The following WDR59 variants were observed in gnomAD, a reference collection of about 807,000 sequenced individuals.
WDR59 encodes WD repeat domain 59.
In WDR59, 100 loss-of-function variants were observed where a neutral mutation model predicts 131.2. That is an observed-to-expected ratio of 0.76 (90% confidence interval 0.65 to 0.90). The LOEUF (loss-of-function observed/expected upper bound fraction) is 0.90, where lower values mean the gene tolerates loss of function less well. Among genes scored for constraint, WDR59 ranks in the 40% least tolerant of loss-of-function variants. WDR59 has a pLI of 0.00. For synonymous variants in WDR59, 601 were observed against 466.2 expected (o/e 1.29, Z -3.72); for missense variants, 1,203 against 1,262.2 (o/e 0.95, Z 0.71).
intron 6 of WDR59, among the ~76,000 whole-genome samples, chr16:74,946,033 C>T (rs908364670): frequency 2.6e-5 from 4 of 151,914 alleles, no homozygotes; most frequent in South Asian, 2.1e-4. Context: ...AGGCTGGTCT[C>T]GAACTCCTGA....
intron 10 of WDR59, 98 bp downstream of exon 10, chr16:74,921,845 GCTCT>G (rs1567722522): frequency 2.8e-6 from 4 of 1,419,380 alleles, no homozygotes; most frequent in Admixed American, 2.6e-5. Flanking sequence ...CTAAAGCCCA[GCTCT>G]CTCTATGTCT....
chr16:74,910,784 T>G (rs1163277453), intron 14 of WDR59, among the ~76,000 whole-genome samples: 2 of 152,218 alleles, frequency 1.3e-5, no homozygotes, highest in African/African-American at 2.4e-5. Flanking sequence ...ATTTTTCCTT[T>G]GTTTTTTTGA....
chr16:74,940,536 T>C (rs533159640), intron 7 of WDR59, among the ~76,000 whole-genome samples: 50 of 152,276 alleles, frequency 3.3e-4, no homozygotes, highest in African/African-American at 1.0e-3. Flanking sequence ...CATACATGAG[T>C]CTGGATTAAA....
At position 74,913,986 on chromosome 16, in the gene WDR59, C is replaced by A. The variant is rs373519710; in HGVS notation, c.1225-1624G>T. 3.3e-5 allele frequency among the ~76,000 whole-genome samples: 5 copies of A among 152,274 alleles called. 1 individual carries two copies. Among genetic ancestry groups the A allele is most frequent in the East Asian group, 3.9e-4 (2 of 5,162 alleles). On this transcript the variant is annotated intron_variant, in intron 13 of 25. Transcript: ENST00000262144. ...CTTTGGGAGGCCAAGGTGGGCAGAT[C>A]AACTGACATCAGGAGTTCGAGGCCA...
At chr16:74,971,010 C>G (rs2033960732) in intron 1 of WDR59, among the ~76,000 whole-genome samples, 1 of 151,896 alleles carries the variant, frequency 6.6e-6, no homozygotes, top group Admixed American at 6.6e-5. Context: ...GTTCACACCA[C>G]TACACTCCTG....
rs557938350 is a variant in WDR59, at chr16:74,971,545, G to A, written c.55-5723C>T. ...CCTCCTGAGTTCAAGCAATTCTCCC[G>A]CCTCAGCCTCCTGAGTAGCTGGGAT... On this transcript the variant is annotated intron_variant, in intron 1 of 25. Coordinates refer to ENST00000262144, the MANE Select transcript of WDR59 (RefSeq NM_030581.4). Among the ~76,000 whole-genome samples, 305 of 143,182 alleles carry A rather than the reference G, an allele frequency of 2.1e-3. 1 individual carries two copies. Among genetic ancestry groups the A allele is most frequent in the African/African-American group, 7.1e-3 (274 of 38,452 alleles). The allele number at this position is 143,182 out of a possible 152,430, so 93.9% of individuals were successfully genotyped here.
At chr16:74,923,781 C>T in intron 9 of WDR59, 145 bp downstream of exon 9, 1 of 735,068 alleles carries the variant, frequency 1.4e-6, no homozygotes, top group Non-Finnish European at 2.2e-6. Flanking sequence ...TTTAAGCTAT[C>T]ATTATCACGT....
chr16:74,949,461 AGAGG>A (rs1256382389), intron 5 of WDR59, among the ~76,000 whole-genome samples: 4 of 132,502 alleles, frequency 3.0e-5, no homozygotes, highest in African/African-American at 9.0e-5. Flanking sequence ...AGGGAAGGAG[AGAGG>A]GAGGGAGGGA....
intron 3 of WDR59, among the ~76,000 whole-genome samples, chr16:74,952,828 G>C (rs1015050166): frequency 6.6e-6 from 1 of 151,538 alleles, no homozygotes; most frequent in Non-Finnish European, 1.5e-5. Context: ...ACAGACAGAC[G>C]TATAAAATTC....
intron 10 of WDR59, among the ~76,000 whole-genome samples, chr16:74,918,450 G>C: frequency 6.6e-6 from 1 of 152,358 alleles, no homozygotes; most frequent in Admixed American, 6.5e-5. Flanking sequence ...CTCTCGAAGA[G>C]CTGGAGATGA....
At chr16:74,950,092 A>T in intron 4 of WDR59, 1 of 424,306 alleles carries the variant, frequency 2.4e-6, no homozygotes, top group Non-Finnish European at 4.7e-6. Context: ...CTGTAATCCC[A>T]GCACTTTGGG....
chr16:74,945,841 A>G (rs1018839069), intron 6 of WDR59, among the ~76,000 whole-genome samples: 1 of 143,868 alleles, frequency 7.0e-6, no homozygotes, highest in Non-Finnish European at 1.5e-5. Flanking sequence ...TTTTTGAGAC[A>G]GAGTTTTGCT....
intron 3 of WDR59, among the ~76,000 whole-genome samples, chr16:74,952,176 T>C (rs1477553488): frequency 1.3e-5 from 2 of 151,638 alleles, no homozygotes; most frequent in African/African-American, 2.4e-5. Context: ...AAAAAGAGGC[T>C]GGGCTTGGTG....
In WDR59 at chr16:74,961,514, T is replaced by C. The variant is rs371873836; in HGVS notation, c.104+4259A>G. On this transcript the variant is annotated intron_variant, in intron 2 of 25. Transcript: ENST00000262144. ...CTGACTGGCGAGAGATGGTCTCTCA[T>C]TGTGGTTTTGATTTGCATTTCTCTA... 9.8e-5 allele frequency among the ~76,000 whole-genome samples: 15 copies of C among 152,302 alleles called. No individual in the cohort carries two copies. The South Asian group carries it at 3.1e-3, about 32-fold the overall frequency.
intron 20 of WDR59, 27 bp from the exon 21 acceptor site, chr16:74,889,842 C>A (rs1353288226): frequency 1.1e-5 from 18 of 1,569,842 alleles, no homozygotes; most frequent in Non-Finnish European, 1.6e-5. Flanking sequence ...GAAATACAAA[C>A]TCAAACTGGC....
At chr16:74,978,749 A>ATT (rs111946957) in intron 1 of WDR59, among the ~76,000 whole-genome samples, 9 of 147,840 alleles carry the variant, frequency 6.1e-5, no homozygotes, top group African/African-American at 2.2e-4. Context: ...ATAAACCTGG[A>ATT]TTTTTTTTTT....
In WDR59 at chr16:74,922,163, T is replaced by C. The variant is rs1311681358; in HGVS notation, c.730-60A>G. On this transcript the variant is annotated intron_variant, in intron 9 of 25. Coordinates refer to ENST00000262144, the MANE Select transcript of WDR59 (RefSeq NM_030581.4). ...TATTTCAGGGAGAATCAGCTGAGTC[T>C]TGAGTTTCCAAACCTGGAATTCTTC... 5.7e-6 allele frequency: 9 copies of C among 1,587,596 alleles called. No homozygotes were observed. The East Asian group carries it at 2.0e-4, about 36-fold the overall frequency.
At chr16:74,907,968 G>A (rs1257450363) in intron 17 of WDR59, among the ~76,000 whole-genome samples, 1 of 152,188 alleles carries the variant, frequency 6.6e-6, no homozygotes, top group Admixed American at 6.5e-5. Context: ...CGTTGGCTCT[G>A]AAGTCTATAT....
At chr16:74,934,545 A>G (rs905478561) in intron 8 of WDR59, among the ~76,000 whole-genome samples, 3 of 152,182 alleles carry the variant, frequency 2.0e-5, no homozygotes, top group African/African-American at 7.2e-5. Context: ...GGTAGTTATT[A>G]TAAATTAACC....
Sources: gnomAD v4.1 joint callset for allele counts (sites outside exome capture counted in the v4.1 genomes callset) on GRCh38, gnomAD v4.1.1 for gene constraint, MANE v1.5 for transcripts, NCBI Gene and HGNC (gene_info 2026-07-23, HGNC 2026-07-21) for gene names.